Variants in IL9R observed in about 807,000 individuals in gnomAD.
IL9R encodes the protein interleukin-9 receptor.
Under a neutral mutation model 56.3 loss-of-function variants are expected in IL9R, and 54 were observed. The observed-to-expected ratio is 0.96, with a 90% CI of 0.77 to 1.20. The LOEUF (loss-of-function observed/expected upper bound fraction) is 1.20. IL9R is among the 50% of genes most tolerant of loss of function. The pLI is 0.00. For synonymous variants in IL9R, 212 were observed against 250.2 expected (o/e 0.85, Z 1.44); for missense variants, 545 against 629.8 (o/e 0.87, Z 1.44).
intron 1 of IL9R, among the ~76,000 whole-genome samples, chrX:155,999,533 C>G (rs1333183712): frequency 6.6e-6 from 1 of 152,144 alleles, no homozygotes; most frequent in African/African-American, 2.4e-5. Context: ...CTACCCCTGT[C>G]AGCACCTTAC....
In IL9R at chrX:156,003,860, G is replaced by T. The variant is rs746455739; in HGVS notation, c.433+5G>T. On this transcript the variant is annotated splice_donor_5th_base_variant and intron_variant, in intron 4 of 8. Coordinates refer to ENST00000244174, the MANE Select transcript of IL9R (RefSeq NM_002186.3). ...AGTACCTGCCCCGGAGACACGGTGA[G>T]CAGCAGCTATAGGTCTGGGGCGGGG... 5.0e-6 allele frequency: 8 copies of T among 1,613,850 alleles called. No homozygotes were observed. The highest frequency in any genetic ancestry group is 6.8e-6 in the Non-Finnish European group (8 of 1,179,826).
intron 8 of IL9R, among the ~76,000 whole-genome samples, chrX:156,008,509 T>C (rs1401124989): frequency 6.6e-6 from 1 of 152,198 alleles, no homozygotes; most frequent in African/African-American, 2.4e-5. Flanking sequence ...AGGTGGTAGA[T>C]GTGACTGTCA....
chrX:155,999,418 C>G (rs1366300863), intron 1 of IL9R, among the ~76,000 whole-genome samples: 1 of 152,134 alleles, frequency 6.6e-6, no homozygotes, highest in East Asian at 1.9e-4. Context: ...TGCCATCTCT[C>G]TCCCACCCTG....
At chrX:156,001,188 C>T (rs1247197045) in intron 1 of IL9R, 19 of 602,248 alleles carry the variant, frequency 3.2e-5, no homozygotes, top group Non-Finnish European at 5.4e-5. Flanking sequence ...GCTCTCAAGC[C>T]GTCTGCTCCT....
At chrX:156,001,624 C>CG in intron 1 of IL9R, 6 of 633,806 alleles carry the variant, frequency 9.5e-6, no homozygotes, top group South Asian at 9.2e-5. Context: ...TTGGTTTGTG[C>CG]GGTCCTTTAA....
intron 1 of IL9R, among the ~76,000 whole-genome samples, chrX:156,002,281 C>T (rs2067583251): frequency 6.6e-6 from 1 of 151,904 alleles, no homozygotes; most frequent in Non-Finnish European, 1.5e-5. Context: ...ACCCAGGAGG[C>T]GGAGGTTGCA....
rs2067249584 is a variant in IL9R at position 155,997,912 on chromosome X, A to T, written c.28+125A>T. 3.4e-6 allele frequency: 3 copies of T among 874,910 alleles called. No homozygotes were observed. In the Admixed American group the frequency reaches 5.8e-5, roughly 17 times the overall value. 54.2% of individuals were successfully genotyped at this position (874,910 alleles called of 1,614,324 possible). On this transcript the variant is annotated intron_variant, in intron 1 of 8. Transcript: ENST00000244174. ...CTGTGGCATTTGAGAGCGCCACCCT[A>T]GCTTTACCTCCTCTGGTGTCCTGGC...
At chrX:156,001,350 C>A (rs1359252120) in intron 1 of IL9R, 8 of 1,161,598 alleles carry the variant, frequency 6.9e-6, no homozygotes, top group Non-Finnish European at 9.1e-6. Flanking sequence ...TGACTCCAAC[C>A]CTGCCCTCAC....
intron 1 of IL9R, among the ~76,000 whole-genome samples, chrX:156,000,079 T>C (rs747668173): frequency 6.0e-5 from 9 of 150,954 alleles, no homozygotes; most frequent in African/African-American, 2.2e-4. Context: ...GAGGTTGCAG[T>C]GAGCCGAGAT....
intron 8 of IL9R, among the ~76,000 whole-genome samples, chrX:156,008,644 C>T: frequency 6.6e-6 from 1 of 152,072 alleles, no homozygotes; most frequent in East Asian, 1.9e-4. Flanking sequence ...GTTATTTAGA[C>T]CTGCGGGTGA....
intron 4 of IL9R, 137 bp downstream of exon 4, chrX:156,003,992 T>TG (rs2124514549): frequency 1.0e-6 from 1 of 953,738 alleles, no homozygotes; most frequent in Non-Finnish European, 1.6e-6. Context: ...GATCCAGGGC[T>TG]GGGGGCAGGC....
At chrX:156,004,327 C>T in intron 4 of IL9R, 93 bp from the exon 5 acceptor site, 6 of 1,351,294 alleles carry the variant, frequency 4.4e-6, no homozygotes, top group Non-Finnish European at 6.3e-6. Context: ...GACCATTCCC[C>T]TTGGGAGTCT....
chrX:156,000,010 C>T lies in IL9R; in HGVS notation c.28+2223C>T, dbSNP rs751200384. ...GCGTGGTGACTCATGCTTGTAAATG[C>T]TTGTAATCCCAGCTACTTGGGAGGC... On this transcript the variant is annotated intron_variant, in intron 1 of 8. Transcript: ENST00000244174. Among the ~76,000 whole-genome samples, 10 of 152,012 alleles carry T rather than the reference C, an allele frequency of 6.6e-5. No individual in the cohort carries two copies. In the East Asian group the frequency reaches 1.4e-3, roughly 21 times the overall value.
chrX:156,004,402 G>T lies in IL9R; in HGVS notation c.434-18G>T, dbSNP rs1569472834. On this transcript the variant is annotated intron_variant, in intron 4 of 8. Coordinates refer to ENST00000244174, the MANE Select transcript of IL9R (RefSeq NM_002186.3). ...GACCCATGGGGCTTCAGCCTCACAT[G>T]GATTCACTCTGTTCCAGTTAAGCTG... 1.2e-6 allele frequency: 2 copies of T among 1,613,726 alleles called. No individual in the cohort carries two copies. Among genetic ancestry groups the T allele is most frequent in the African/African-American group, 1.3e-5 (1 of 75,022 alleles).
At chrX:156,001,309 G>A (rs1395314383) in intron 1 of IL9R, 10 of 859,048 alleles carry the variant, frequency 1.2e-5, no homozygotes, top group East Asian at 2.4e-5. Context: ...AGCTGTGGCC[G>A]TTGTGCCTGT....
chrX:156,001,619 T>TGGA (rs1458966110), intron 1 of IL9R: 10 of 340,476 alleles, frequency 2.9e-5, no homozygotes, highest in African/African-American at 2.4e-4. Flanking sequence ...GCCCATTGGT[T>TGGA]TGTGCGGTCC....
rs948314625 is a variant in IL9R, at chrX:156,007,535, C to T, written c.900C>T (p.Ile300=). ...CTCTTGGCCTCAGGGTGAAGAGAAT[C>T]TTCTACCAGAACGTGCCCTCTCCAG... ...LFKLSPRVKR[I]FYQNVPSPAM... The change falls in exon 8 of 9, where the codon ATC becomes ATT. Residue 300 remains isoleucine, a synonymous_variant. Transcript: ENST00000244174. The T allele has an allele frequency of 8.5e-6, 11 of 1,298,994 alleles. No homozygotes were observed. The Admixed American group carries it at 2.0e-4, about 24-fold the overall frequency. The allele number at this position is 1,298,994 out of a possible 1,614,324, so 80.5% of individuals were successfully genotyped here. A position where few individuals can be genotyped will look rare whatever the true frequency, so the allele number is the denominator to read the frequency against.
intron 7 of IL9R, among the ~76,000 whole-genome samples, chrX:156,006,812 C>T (rs894342347): frequency 6.6e-5 from 10 of 151,178 alleles, no homozygotes; most frequent in East Asian, 2.0e-4. Flanking sequence ...AACTGTGTGA[C>T]ACAACCTAGT....
chrX:156,003,479 CCAA>C lies in IL9R; in HGVS notation c.179_181del (p.Asn60del). The C allele has an allele frequency of 1.9e-6, 3 of 1,612,054 alleles. No homozygotes were observed. Among genetic ancestry groups the C allele is most frequent in the Non-Finnish European group, 2.5e-6 (3 of 1,179,762 alleles). On this transcript the variant is annotated inframe_deletion, in exon 3 of 9. Coordinates refer to ENST00000244174, the MANE Select transcript of IL9R (RefSeq NM_002186.3). ...AGGTCTAGAACCTTCACCTGCCTCA[CCAA>C]CAACATTCTCAGGATCGATTGCCAC...
Sources: allele counts gnomAD v4.1 joint callset (sites outside exome capture counted in the v4.1 genomes callset), GRCh38; gene constraint gnomAD v4.1.1; transcripts MANE v1.5; gene names NCBI Gene and HGNC (gene_info 2026-07-23, HGNC 2026-07-21).